The following SNX30 variants were observed in gnomAD, a reference collection of about 807,000 sequenced individuals.
The protein encoded by SNX30 is sorting nexin-30.
In SNX30, 24 loss-of-function variants were observed where a neutral mutation model predicts 46.4. That is an observed-to-expected ratio of 0.52 (90% confidence interval 0.37 to 0.73). The LOEUF is 0.73. Among genes scored for constraint, SNX30 ranks in the 30% least tolerant of loss-of-function variants. The probability of loss-of-function intolerance (pLI) is 0.00; values close to 1 mark genes in which losing one functional copy is unlikely to be tolerated. For missense variants in SNX30, 533 were observed against 555.7 expected (o/e 0.96, Z 0.41); for synonymous variants, 189 against 211.5 (o/e 0.89, Z 0.92).
chr9:112,865,521 G>A (rs1370955989), intron 8 of SNX30, among the ~76,000 whole-genome samples: 1 of 151,172 alleles, frequency 6.6e-6, no homozygotes, highest in African/African-American at 2.4e-5. Flanking sequence ...GGGAGGCTGT[G>A]GCAGGAGGAT....
intron 2 of SNX30, among the ~76,000 whole-genome samples, chr9:112,807,893 C>T (rs1840255547): frequency 6.6e-6 from 1 of 152,236 alleles, no homozygotes; most frequent in East Asian, 1.9e-4. Flanking sequence ...TCATTAAATG[C>T]CTTAGAGTAA....
rs1213231123 is a variant in SNX30 at position 112,750,875 on chromosome 9, A to C, written c.-127A>C. 19 of 891,934 alleles carry C rather than the reference A, an allele frequency of 2.1e-5. No homozygotes were observed. The highest frequency in any genetic ancestry group is 2.3e-5 in the Non-Finnish European group (17 of 726,076). The allele number at this position is 891,934 out of a possible 1,614,324, so 55.3% of individuals were successfully genotyped here. On this transcript the variant is annotated 5_prime_UTR_variant, in exon 1 of 9. Transcript: ENST00000374232. ...CAGCCGGCGGGTGGCGGCGGCCCCC[A>C]GCACGGCCGGTGCAAGGCCTCGGGT...
rs1203831141 is a variant in SNX30, at chr9:112,869,585, T to G, written c.*742T>G. The G allele has an allele frequency of 6.6e-6, 1 of 151,720 alleles. No homozygotes were observed. The highest frequency in any genetic ancestry group is 1.5e-5 in the Non-Finnish European group (1 of 67,938). 9.4% of individuals were successfully genotyped at this position (151,720 alleles called of 1,614,324 possible). A position where few individuals can be genotyped will look rare whatever the true frequency, so the allele number is the denominator to read the frequency against. On this transcript the variant is annotated 3_prime_UTR_variant, in exon 9 of 9. Coordinates refer to ENST00000374232, the MANE Select transcript of SNX30 (RefSeq NM_001012994.2). ...CACTAGAATGCAACAGATTGGAAACTTTTTGTGTAAAATGAAAAAAACAAA... is the reference window on the plus strand; with the variant it reads ...CACTAGAATGCAACAGATTGGAAACGTTTTGTGTAAAATGAAAAAAACAAA...
intron 4 of SNX30, among the ~76,000 whole-genome samples, chr9:112,833,921 G>A (rs558810717): frequency 1.3e-5 from 2 of 152,300 alleles, no homozygotes; most frequent in South Asian, 4.1e-4. Flanking sequence ...GAGGTGGAGA[G>A]GAACTAGAGG....
At chr9:112,844,618 C>T (rs952685800) in intron 6 of SNX30, among the ~76,000 whole-genome samples, 4 of 152,062 alleles carry the variant, frequency 2.6e-5, no homozygotes, top group South Asian at 2.1e-4. Context: ...ATTGCCTCCA[C>T]GAAGCCAAGA....
intron 1 of SNX30, among the ~76,000 whole-genome samples, chr9:112,792,823 G>T (rs1840047528): frequency 6.7e-6 from 1 of 149,172 alleles, no homozygotes; most frequent in African/African-American, 2.5e-5. Flanking sequence ...TATAACTTTT[G>T]TTCTTTTCTG....
chr9:112,788,191 T>A (rs1477953552), intron 1 of SNX30, among the ~76,000 whole-genome samples: 1 of 150,862 alleles, frequency 6.6e-6, no homozygotes, highest in Non-Finnish European at 1.5e-5. Flanking sequence ...CACTTGAGTG[T>A]TTTTTTTTGT....
chr9:112,851,394 C>T (rs1400566457), intron 7 of SNX30, among the ~76,000 whole-genome samples: 1 of 152,186 alleles, frequency 6.6e-6, no homozygotes, highest in Non-Finnish European at 1.5e-5. Context: ...ACACTCAAGG[C>T]GAGCGTGTTA....
intron 3 of SNX30, among the ~76,000 whole-genome samples, chr9:112,828,393 A>G (rs1840609355): frequency 6.6e-6 from 1 of 152,156 alleles, no homozygotes; most frequent in Non-Finnish European, 1.5e-5. Flanking sequence ...TAGTAGCCGC[A>G]CCATCTAGGT....
chr9:112,792,546 TC>T (rs1840044189), intron 1 of SNX30, among the ~76,000 whole-genome samples: 1 of 152,212 alleles, frequency 6.6e-6, no homozygotes, highest in Non-Finnish European at 1.5e-5. Context: ...TGCCTCAGCC[TC>T]CTGAGTAGCT....
intron 6 of SNX30, among the ~76,000 whole-genome samples, chr9:112,845,500 C>T (rs976705126): frequency 2.0e-5 from 3 of 152,192 alleles, no homozygotes; most frequent in Non-Finnish European, 2.9e-5. Flanking sequence ...ACTTCCTTCT[C>T]CACTTTGGCA....
intron 1 of SNX30, among the ~76,000 whole-genome samples, chr9:112,775,148 TTC>T (rs1839720549): frequency 7.0e-6 from 1 of 143,802 alleles, no homozygotes; most frequent in South Asian, 2.2e-4. Context: ...CCTAAATTTT[TTC>T]TTTCTTTTTT....
At chr9:112,784,620 T>C (rs1216111796) in intron 1 of SNX30, among the ~76,000 whole-genome samples, 1 of 152,174 alleles carries the variant, frequency 6.6e-6, no homozygotes, top group East Asian at 1.9e-4. Context: ...CTGCAGAGTT[T>C]ATAGAGGACT....
At chr9:112,768,647 C>CTTCTTCTTTTTTTT (rs1554748345) in intron 1 of SNX30, among the ~76,000 whole-genome samples, 1 of 64,366 alleles carries the variant, frequency 1.6e-5, no homozygotes. Context: ...ATTCTTTCTT[C>CTTCTTCTTTTTTTT]TTTTTTTTTT....
At chr9:112,781,434 GCTGT>G (rs1839845903) in intron 1 of SNX30, among the ~76,000 whole-genome samples, 1 of 151,984 alleles carries the variant, frequency 6.6e-6, no homozygotes, top group African/African-American at 2.4e-5. Context: ...AAAAAAAATT[GCTGT>G]CTATTATGCT....
intron 2 of SNX30, among the ~76,000 whole-genome samples, chr9:112,807,180 C>T (rs1030517420): frequency 6.6e-6 from 1 of 151,278 alleles, no homozygotes; most frequent in Non-Finnish European, 1.5e-5. Context: ...ATTCTCCTGC[C>T]TCAGCCTCCC....
intron 1 of SNX30, 137 bp from the exon 2 acceptor site, chr9:112,804,639 G>GT: frequency 1.5e-6 from 1 of 660,744 alleles, no homozygotes; most frequent in South Asian, 2.1e-5. Context: ...GAAACACTGA[G>GT]TAGGGAGAGG....
At chr9:112,779,128 C>T (rs564770045) in intron 1 of SNX30, among the ~76,000 whole-genome samples, 8 of 152,314 alleles carry the variant, frequency 5.3e-5, no homozygotes, top group South Asian at 2.1e-4. Flanking sequence ...TGTGAGGTGG[C>T]GAAAGTGTGT....
At chr9:112,774,278 A>G (rs999041501) in intron 1 of SNX30, among the ~76,000 whole-genome samples, 14 of 152,226 alleles carry the variant, frequency 9.2e-5, no homozygotes, top group Admixed American at 9.2e-4. Flanking sequence ...TTTGAAAAAG[A>G]AATCAAGAAA....
Sources: allele counts gnomAD v4.1 joint callset (sites outside exome capture counted in the v4.1 genomes callset), GRCh38; gene constraint gnomAD v4.1.1; transcripts MANE v1.5; gene names NCBI Gene and HGNC (gene_info 2026-07-23, HGNC 2026-07-21).